PI4KA: variants seen among roughly 807,000 people sequenced by gnomAD.
PI4KA encodes the protein phosphatidylinositol 4-kinase alpha.
Under a neutral mutation model 271.4 loss-of-function variants are expected in PI4KA, and 122 were observed. The observed-to-expected ratio is 0.45, with a 90% confidence interval of 0.39 to 0.52. The LOEUF (loss-of-function observed/expected upper bound fraction) is 0.52. PI4KA is among the 20% of genes least tolerant of loss of function. The pLI is 0.00. For missense variants in PI4KA, 1,969 were observed against 2,769.1 expected (o/e 0.71, Z 6.48); for synonymous variants, 1,041 against 1,078.8 (o/e 0.96, Z 0.69).
At chr22:20,770,332 G>A (rs755444589) in intron 19 of PI4KA, among the ~76,000 whole-genome samples, 2 of 151,422 alleles carry the variant, frequency 1.3e-5, no homozygotes, top group Non-Finnish European at 2.9e-5. Context: ...GGGCAACATG[G>A]TAAAACCCTG....
chr22:20,813,943 T>C (rs973070945), intron 7 of PI4KA, among the ~76,000 whole-genome samples: 4 of 152,146 alleles, frequency 2.6e-5, no homozygotes, highest in African/African-American at 7.2e-5. Context: ...GAATAACAGA[T>C]GCCCGTCGCC....
At position 20,729,697 on chromosome 22, in the gene PI4KA, T is replaced by C. The variant is rs774443874; in HGVS notation, c.4423A>G (p.Thr1475Ala). The change falls in exon 38 of 55, where the codon ACC (threonine) becomes GCC (alanine). Residue 1475 changes from threonine (T) to alanine (A), a missense_variant. Coordinates refer to ENST00000255882, the MANE Select transcript of PI4KA (RefSeq NM_058004.4). ...TTGTGCAGCTGGGAGCCCCGGTTGG[T>C]TTTCTTAGACATGCCTAGGAGGAAA... The part of the protein sequence containing the change: ...ISKKSGMSKK[T>A]NRGSQLHKYY... The C allele has an allele frequency of 6.3e-7, 1 of 1,592,202 alleles. No homozygotes were observed. Among genetic ancestry groups the C allele is most frequent in the Non-Finnish European group, 8.6e-7 (1 of 1,167,630 alleles).
chr22:20,728,335 A>G (rs1927613601), intron 39 of PI4KA, among the ~76,000 whole-genome samples: 1 of 152,246 alleles, frequency 6.6e-6, no homozygotes, highest in Non-Finnish European at 1.5e-5. Flanking sequence ...AGGTCTGAAC[A>G]TTAGTGTTTT....
At chr22:20,807,509 C>T in intron 9 of PI4KA, 51 bp from the exon 10 acceptor site, 1 of 1,044,662 alleles carries the variant, frequency 9.6e-7, no homozygotes, top group East Asian at 2.4e-5. Flanking sequence ...GCCCTTCTGC[C>T]CACCCTTTGC....
chr22:20,727,543 G>T, intron 40 of PI4KA, 146 bp from the exon 41 acceptor site: 1 of 788,598 alleles, frequency 1.3e-6, no homozygotes. Flanking sequence ...GATGTGTTAT[G>T]GAAAACAACG....
intron 1 of PI4KA, among the ~76,000 whole-genome samples, chr22:20,849,525 C>T (rs764804840): frequency 5.3e-5 from 8 of 152,164 alleles, no homozygotes; most frequent in Non-Finnish European, 1.2e-4. Context: ...TAATGAGATG[C>T]TACAACATGG....
Position 20,727,505 on chromosome 22 carries a change from C to A in PI4KA, c.4774-108G>T, listed in dbSNP as rs549721914. 4.1e-4 allele frequency: 429 copies of A among 1,046,492 alleles called. No homozygotes were observed. The African/African-American group carries it at 6.5e-3, about 16-fold the overall frequency. 64.8% of individuals were successfully genotyped at this position (1,046,492 alleles called of 1,614,324 possible). ...GGCCATGAGAAGTGATGTTTCTAAG[C>A]ATCGGTAACCATGGGGAAGATGCTT... On this transcript the variant is annotated intron_variant, in intron 40 of 54. Transcript: ENST00000255882.
chr22:20,817,851 G>A (rs1190956774), intron 7 of PI4KA, among the ~76,000 whole-genome samples: 1 of 149,178 alleles, frequency 6.7e-6, no homozygotes, highest in Non-Finnish European at 1.5e-5. Context: ...CCAGCCAGGT[G>A]TGGTGGCTCA....
In PI4KA at chr22:20,834,652, T is replaced by C; in HGVS notation, c.277A>G (p.Lys93Glu). 3.2e-6 allele frequency: 5 copies of C among 1,585,832 alleles called. No homozygotes were observed. Among genetic ancestry groups the C allele is most frequent in the Non-Finnish European group, 3.5e-6 (4 of 1,155,692 alleles). Residue 93 changes from lysine to glutamate, a missense_variant, in exon 3 of 55, where the codon AAA becomes GAA. Lys to Glu is a moderately conservative substitution (Grantham distance 56, BLOSUM62 1). This residue lies in a region of PI4KA where 540 missense variants were observed against 555.5 expected (regional missense o/e 0.97). Transcript: ENST00000255882. ...AGAAGGTAAGGAACCACACAATCTT[T>C]GTGCTAAAAAATAATAAGAAGAATA... ...IFLIESDLQH[K>E]DCVVPYLLRL...
chr22:20,717,592 C>G (rs1926163888), intron 45 of PI4KA, 116 bp downstream of exon 45: 1 of 887,212 alleles, frequency 1.1e-6, no homozygotes, highest in East Asian at 2.7e-5. Context: ...AGGTGTGGGG[C>G]TGGCCAAGCC....
chr22:20,818,451 G>A (rs780211860), intron 7 of PI4KA, 32 bp downstream of exon 7: 16 of 1,528,266 alleles, frequency 1.0e-5, no homozygotes, highest in East Asian at 4.9e-5. Flanking sequence ...CAAGTATTAC[G>A]TCAAAATATT....
chr22:20,809,868 G>A (rs558479091), intron 9 of PI4KA, among the ~76,000 whole-genome samples: 1 of 152,158 alleles, frequency 6.6e-6, no homozygotes, highest in African/African-American at 2.4e-5. Context: ...TCTCACATCT[G>A]CAATAGCTCG....
intron 14 of PI4KA, among the ~76,000 whole-genome samples, chr22:20,801,037 C>T (rs1280428559): frequency 1.4e-5 from 2 of 148,010 alleles, no homozygotes; most frequent in Admixed American, 6.7e-5. Flanking sequence ...ATTACAGGCA[C>T]GTGCCACCAC....
intron 3 of PI4KA, among the ~76,000 whole-genome samples, chr22:20,825,564 C>T (rs1389314362): frequency 6.6e-6 from 1 of 152,118 alleles, no homozygotes; most frequent in African/African-American, 2.4e-5. Context: ...CACTGCACTA[C>T]AGCTTGGAGT....
At chr22:20,721,260 G>A (rs374779097) in intron 43 of PI4KA, 38 bp downstream of exon 43, 6 of 1,611,506 alleles carry the variant, frequency 3.7e-6, no homozygotes, top group Non-Finnish European at 5.1e-6. Flanking sequence ...GTGCACTGAA[G>A]ACAGTAAGTG....
intron 9 of PI4KA, among the ~76,000 whole-genome samples, chr22:20,809,340 A>G (rs1935862833): frequency 6.6e-6 from 1 of 152,218 alleles, no homozygotes; most frequent in South Asian, 2.1e-4. Context: ...GTTCTGGCAC[A>G]TAATAAGCAT....
intron 28 of PI4KA, among the ~76,000 whole-genome samples, chr22:20,749,609 C>T (rs1204622956): frequency 6.6e-6 from 1 of 152,270 alleles, no homozygotes; most frequent in Non-Finnish European, 1.5e-5. Flanking sequence ...CTCCCACATC[C>T]ACCACACAAG....
intron 1 of PI4KA, among the ~76,000 whole-genome samples, chr22:20,842,238 T>C (rs1925648449): frequency 6.6e-6 from 1 of 150,916 alleles, no homozygotes; most frequent in Non-Finnish European, 1.5e-5. Flanking sequence ...AATATATACA[T>C]ATTAAAAAAA....
At chr22:20,811,352 C>T (rs5760753) in intron 8 of PI4KA, among the ~76,000 whole-genome samples, 1 of 152,138 alleles carries the variant, frequency 6.6e-6, no homozygotes, top group Non-Finnish European at 1.5e-5. Context: ...ATTTCACCCA[C>T]TCATGGTTAA....
Sources: allele counts gnomAD v4.1 joint callset (sites outside exome capture counted in the v4.1 genomes callset), GRCh38; gene constraint gnomAD v4.1.1; regional missense constraint gnomAD v4.1.1; transcripts MANE v1.5; gene names NCBI Gene and HGNC (gene_info 2026-07-23, HGNC 2026-07-21).